The following PRKCQ variants were observed in gnomAD, a reference collection of about 807,000 sequenced individuals.
PRKCQ encodes the protein protein kinase C theta type.
Under a neutral mutation model 91.2 loss-of-function variants are expected in PRKCQ, and 41 were observed. The ratio of observed to expected loss-of-function variants is 0.45; its 90% CI spans 0.35 to 0.58. The LOEUF is 0.58. Ranked by LOEUF, PRKCQ falls within the 20% of genes least tolerant of loss-of-function variation. The probability of loss-of-function intolerance (pLI) is 0.00; values close to 1 mark genes in which losing one functional copy is unlikely to be tolerated. For missense variants in PRKCQ, 673 were observed against 896.5 expected, an observed-to-expected ratio of 0.75 and a Z score of 3.18; for synonymous variants, 307 against 316.9, an observed-to-expected ratio of 0.97 and a Z score of 0.33.
intron 16 of PRKCQ, among the ~76,000 whole-genome samples, chr10:6,437,680 C>G (rs960261510): frequency 2.0e-5 from 3 of 151,978 alleles, no homozygotes; most frequent in Non-Finnish European, 4.4e-5. Context: ...GAGATGGAGT[C>G]TTGCTCTGTC....
At chr10:6,532,427 G>C (rs1361976322) in intron 1 of PRKCQ, among the ~76,000 whole-genome samples, 1 of 152,174 alleles carries the variant, frequency 6.6e-6, no homozygotes, top group Non-Finnish European at 1.5e-5. Flanking sequence ...TTTGTGACAA[G>C]AGACATTGCT....
chr10:6,505,181 C>G (rs149584744), intron 4 of PRKCQ, among the ~76,000 whole-genome samples: 1 of 152,156 alleles, frequency 6.6e-6, no homozygotes, highest in Non-Finnish European at 1.5e-5. Flanking sequence ...CGTGAGCCAC[C>G]GTGCCCGGCC....
At chr10:6,453,738 C>A (rs1306777441) in intron 15 of PRKCQ, among the ~76,000 whole-genome samples, 1 of 126,522 alleles carries the variant, frequency 7.9e-6, no homozygotes, top group Non-Finnish European at 1.7e-5. Flanking sequence ...TACTATGCAG[C>A]CATAAAAAAA....
Position 6,430,838 on chromosome 10 carries a change from T to A in PRKCQ, c.1937A>T (p.Glu646Val). The A allele has an allele frequency of 6.2e-7, 1 of 1,614,064 alleles. No homozygotes were observed. The highest frequency in any genetic ancestry group is 2.2e-5 in the East Asian group (1 of 44,862). ...TTTCGGCCGGAACGGTGGGTCAATC[T>A]CCTTCCGTTCAAGTTCCTCCCAGTT... ...EINWEELERK[E>V]IDPPFRPKVK... is the part of the protein sequence containing the mutation. Residue 646 changes from glutamate to valine, a missense_variant, in exon 17 of 18, where the codon GAG becomes GTG. Physicochemically the swap from Glu to Val is moderately radical, Grantham distance 121. Coordinates refer to ENST00000263125, the MANE Select transcript of PRKCQ (RefSeq NM_006257.5). The surrounding 1 kb of genome is among the most constrained non-coding windows in gnomAD (Gnocchi z 4.7).
intron 1 of PRKCQ, among the ~76,000 whole-genome samples, chr10:6,561,299 G>A (rs1840623072): frequency 7.0e-6 from 1 of 143,352 alleles, no homozygotes; most frequent in Non-Finnish European, 1.5e-5. Flanking sequence ...CTGAGCCTGG[G>A]AGGTGCAGCC....
chr10:6,491,921 A>G, intron 7 of PRKCQ, 109 bp from the exon 8 acceptor site: 1 of 1,444,220 alleles, frequency 6.9e-7, no homozygotes, highest in Non-Finnish European at 9.6e-7. Flanking sequence ...AAACACTGGC[A>G]TTGTGTGCAT....
the PRKCQ span, among the ~76,000 whole-genome samples, chr10:6,416,002 C>T: frequency 6.6e-6 from 1 of 152,076 alleles, no homozygotes; most frequent in South Asian, 2.1e-4. Context: ...CCGACTCGAC[C>T]TCTCAAAGTG....
In PRKCQ at chr10:6,545,019, C is replaced by T. The variant is rs139730421; in HGVS notation, c.-9-29875G>A. Among the ~76,000 whole-genome samples the T allele has an allele frequency of 1.9e-3, 291 of 150,804 alleles. 1 individual carries two copies. The highest frequency in any genetic ancestry group is 8.8e-3 in the East Asian group (45 of 5,142). On this transcript the variant is annotated intron_variant, in intron 1 of 17. Coordinates refer to ENST00000263125, the MANE Select transcript of PRKCQ (RefSeq NM_006257.5). ...TTTTTAATCTATAGGGGAAAAATAG[C>T]GGGAAAATGTGAATGTAACATTTTT...
At chr10:6,545,324 C>T (rs182538053) in intron 1 of PRKCQ, among the ~76,000 whole-genome samples, 8 of 152,356 alleles carry the variant, frequency 5.3e-5, no homozygotes. Flanking sequence ...CTCACAACAA[C>T]CTTTGAAAAA....
At chr10:6,566,512 G>C (rs543212445) in intron 1 of PRKCQ, among the ~76,000 whole-genome samples, 1 of 152,092 alleles carries the variant, frequency 6.6e-6, no homozygotes, top group Non-Finnish European at 1.5e-5. Flanking sequence ...CCACTTCTGG[G>C]ATTTTTCAGT....
At chr10:6,411,588 C>A in the PRKCQ span, among the ~76,000 whole-genome samples, 9 of 152,218 alleles carry the variant, frequency 5.9e-5, no homozygotes, top group African/African-American at 2.2e-4. Context: ...AGACCGAACC[C>A]TGTTCTGTAA....
At chr10:6,488,697 T>C (rs1160555510) in intron 8 of PRKCQ, among the ~76,000 whole-genome samples, 1 of 152,196 alleles carries the variant, frequency 6.6e-6, no homozygotes, top group African/African-American at 2.4e-5. Flanking sequence ...TATTAACCAT[T>C]ACTAGACCGA....
At chr10:6,564,830 C>A (rs1176875668) in intron 1 of PRKCQ, among the ~76,000 whole-genome samples, 2 of 152,168 alleles carry the variant, frequency 1.3e-5, no homozygotes, top group Non-Finnish European at 2.9e-5. Flanking sequence ...AAAGAATAAA[C>A]TCCCCGCTGA....
chr10:6,560,520 G>A (rs1840588461), intron 1 of PRKCQ, among the ~76,000 whole-genome samples: 1 of 152,216 alleles, frequency 6.6e-6, no homozygotes, highest in African/African-American at 2.4e-5. Flanking sequence ...CGTAGAAAGT[G>A]TGGCGACTTT....
At chr10:6,401,083 C>T in the PRKCQ span, among the ~76,000 whole-genome samples, 1,369 of 152,248 alleles carry the variant, frequency 9.0e-3, 14 homozygotes, top group African/African-American at 0.031. Context: ...TAGGAATGAC[C>T]GAGTAGCACC....
At chr10:6,396,451 C>G in the PRKCQ span, among the ~76,000 whole-genome samples, 1 of 152,260 alleles carries the variant, frequency 6.6e-6, no homozygotes, top group Non-Finnish European at 1.5e-5. Flanking sequence ...CTCCCCATGT[C>G]AAGCCCTAGG....
chr10:6,416,160 G>C, the PRKCQ span, among the ~76,000 whole-genome samples: 150,474 of 152,306 alleles, frequency 0.99, 74,350 homozygotes, highest in East Asian at 1. Flanking sequence ...ATATGATTGA[G>C]CAGACATACA....
chr10:6,427,971 C>G lies in PRKCQ; in HGVS notation c.*236G>C, dbSNP rs182830501. On this transcript the variant is annotated 3_prime_UTR_variant, in exon 18 of 18. Transcript: ENST00000263125. ...AGTAAATAACTATGGTTAGTAATGA[C>G]CTAACTTCAGGAGCGTCTGTGAGAC... 5.8e-4 allele frequency: 308 copies of G among 531,144 alleles called. 2 individuals carry two copies. The highest frequency in any genetic ancestry group is 3.7e-3 in the African/African-American group (194 of 52,268). 32.9% of individuals were successfully genotyped at this position (531,144 alleles called of 1,614,324 possible). A position where few individuals can be genotyped will look rare whatever the true frequency, so the allele number is the denominator to read the frequency against.
intron 9 of PRKCQ, 43 bp from the exon 10 acceptor site, chr10:6,485,312 T>C (rs188721523): frequency 4.2e-5 from 61 of 1,449,456 alleles, no homozygotes; most frequent in African/African-American, 2.9e-4. Context: ...CCACCCACCA[T>C]TGATGGAACA....
Sources: gnomAD v4.1 joint callset for allele counts (sites outside exome capture counted in the v4.1 genomes callset) on GRCh38, gnomAD v4.1.1 for gene constraint, Gnocchi (gnomAD v3.1) non-coding constraint, MANE v1.5 for transcripts, NCBI Gene and HGNC (gene_info 2026-07-23, HGNC 2026-07-21) for gene names.